Variants in IQSEC1 observed in about 807,000 individuals in gnomAD.
The protein encoded by IQSEC1 is IQ motif and SEC7 domain-containing protein 1.
Under a neutral mutation model 91.0 loss-of-function variants are expected in IQSEC1, and 31 were observed. The observed-to-expected ratio is 0.34, with a 90% CI of 0.26 to 0.46. The LOEUF (loss-of-function observed/expected upper bound fraction) is 0.46. Among genes scored for constraint, IQSEC1 ranks in the 20% least tolerant of loss-of-function variants. The pLI is 1.00. For missense variants in IQSEC1, 1,388 were observed against 1,575.6 expected (o/e 0.88, Z 2.02); for synonymous variants, 699 against 662.6 (o/e 1.05, Z -0.84).
In IQSEC1 at chr3:12,922,357, G is replaced by C. The variant is rs533154211; in HGVS notation, c.1731-115C>G. The stretch of plus-strand genomic sequence containing the variant: ...GGAATGGACCGCCTCCTGGCAGGGA[G>C]AGCCCCTGCCTGACTCCGACCAATC... On this transcript the variant is annotated intron_variant, in intron 4 of 13. Transcript: ENST00000613206. This position sits in a 1 kb window ranked among gnomAD's most constrained non-coding sequence, Gnocchi z 5.1. 1,681 of 1,295,962 alleles carry C rather than the reference G, an allele frequency of 1.3e-3. 3 individuals carry two copies. The highest frequency in any genetic ancestry group is 1.7e-3 in the South Asian group (101 of 59,578). 80.3% of individuals were successfully genotyped at this position (1,295,962 alleles called of 1,614,324 possible). A position where few individuals can be genotyped will look rare whatever the true frequency, so the allele number is the denominator to read the frequency against.
chr3:12,929,235 C>T (rs1380518437), intron 3 of IQSEC1, among the ~76,000 whole-genome samples: 2 of 152,162 alleles, frequency 1.3e-5, no homozygotes, highest in African/African-American at 2.4e-5. Flanking sequence ...TCCATGAGTT[C>T]GTACTCATAA....
At chr3:13,127,322 G>A (rs1706531404) in intron 2 of IQSEC1, among the ~76,000 whole-genome samples, 1 of 152,108 alleles carries the variant, frequency 6.6e-6, no homozygotes, top group Admixed American at 6.5e-5. Flanking sequence ...GCTGAGGCAG[G>A]AGAATCGCTT....
chr3:12,985,456 G>A (rs2125604248), intron 1 of IQSEC1, among the ~76,000 whole-genome samples: 1 of 151,826 alleles, frequency 6.6e-6, no homozygotes, highest in South Asian at 2.1e-4. Flanking sequence ...GGCCTTCACT[G>A]GGCACAGAGA....
intron 1 of IQSEC1, among the ~76,000 whole-genome samples, chr3:13,262,211 T>C (rs1017774353): frequency 6.6e-6 from 1 of 152,240 alleles, no homozygotes; most frequent in Non-Finnish European, 1.5e-5. Flanking sequence ...ACTGACCACA[T>C]ACTATGCACC....
chr3:12,901,396 C>T lies in IQSEC1; in HGVS notation c.2932G>A (p.Gly978Arg). ...LLGSLFGSKR[G>R]KPPPQAHLPS... ...AGGTGGGCCTGGGGAGGGGGCTTCCCTCTCTTGCTCCCGAATAAGGAGCCC... is the reference window on the plus strand; with the variant it reads ...AGGTGGGCCTGGGGAGGGGGCTTCCTTCTCTTGCTCCCGAATAAGGAGCCC... Residue 978 changes from glycine (G) to arginine (R), a missense_variant, in exon 14 of 14, where the codon GGG (glycine) becomes AGG (arginine). Coordinates refer to ENST00000613206, the MANE Select transcript of IQSEC1 (RefSeq NM_001134382.3). 6.5e-7 allele frequency: 1 copy of T among 1,544,430 alleles called. No homozygotes were observed. The highest frequency in any genetic ancestry group is 8.7e-7 in the Non-Finnish European group (1 of 1,145,972).
At position 13,212,000 on chromosome 3, in the gene IQSEC1, G is replaced by T. The variant is rs1483297827; in HGVS notation, c.273-47867C>A. On this transcript the variant is annotated intron_variant, in intron 1 of 15. Transcript: ENST00000648114. The surrounding 1 kb of genome is among the most constrained non-coding windows in gnomAD (Gnocchi z 5.3). ...CCAGCCTCTGTGAGAGGCCCTAGCGGTGGCTCAGCAGCTCTGGAGTCAGGC... is the reference window on the plus strand; with the variant it reads ...CCAGCCTCTGTGAGAGGCCCTAGCGTTGGCTCAGCAGCTCTGGAGTCAGGC... 6.6e-6 allele frequency among the ~76,000 whole-genome samples: 1 copy of T among 152,222 alleles called. No individual in the cohort carries two copies. The highest frequency in any genetic ancestry group is 1.5e-5 in the Non-Finnish European group (1 of 68,038).
intron 1 of IQSEC1, among the ~76,000 whole-genome samples, chr3:13,067,676 C>A (rs1705281833): frequency 6.6e-6 from 1 of 152,238 alleles, no homozygotes; most frequent in Non-Finnish European, 1.5e-5. Flanking sequence ...CCACTGGCCC[C>A]ACCCACAAGG....
chr3:13,101,978 A>G (rs989058888), intron 2 of IQSEC1, among the ~76,000 whole-genome samples: 1 of 151,994 alleles, frequency 6.6e-6, no homozygotes, highest in Non-Finnish European at 1.5e-5. Flanking sequence ...CCAGGGGCCC[A>G]CTCATGAGCC....
chr3:13,151,011 G>T (rs962144665), intron 2 of IQSEC1, among the ~76,000 whole-genome samples: 1 of 152,232 alleles, frequency 6.6e-6, no homozygotes, highest in Non-Finnish European at 1.5e-5. Context: ...TCCTGGGCCA[G>T]GATGGAGCTG....
intron 1 of IQSEC1, among the ~76,000 whole-genome samples, chr3:13,266,159 C>A (rs1695486760): frequency 6.6e-6 from 1 of 152,178 alleles, no homozygotes; most frequent in Admixed American, 6.5e-5. Context: ...GGAAACACTC[C>A]CCCGGAGCTC....
At chr3:13,122,296 G>A (rs528484510) in intron 2 of IQSEC1, among the ~76,000 whole-genome samples, 22 of 152,390 alleles carry the variant, frequency 1.4e-4, no homozygotes, top group African/African-American at 4.6e-4. Flanking sequence ...CCGGGACAGG[G>A]AGCGAGTCCA....
intron 2 of IQSEC1, among the ~76,000 whole-genome samples, chr3:13,138,988 C>G (rs1484533248): frequency 6.6e-6 from 1 of 152,080 alleles, no homozygotes; most frequent in Admixed American, 6.5e-5. Context: ...GCTCTGCCCC[C>G]ACAGTTCCGG....
rs1163781688 is a variant in IQSEC1, at chr3:13,146,280, T to C, written c.302+17824A>G. Among the ~76,000 whole-genome samples, 7 of 152,186 alleles carry C rather than the reference T, an allele frequency of 4.6e-5. No individual in the cohort carries two copies. In the East Asian group the frequency reaches 1.4e-3, roughly 29 times the overall value. The stretch of plus-strand genomic sequence containing the variant: ...GGGATTACAGGTGTGAGCCACCGCG[T>C]CTGGCCAGTCCCTGCTCTTTAGAGA... On this transcript the variant is annotated intron_variant, in intron 2 of 15. Coordinates refer to the IQSEC1 transcript ENST00000648114.
chr3:13,027,189 A>G (rs1313484614), intron 1 of IQSEC1, among the ~76,000 whole-genome samples: 1 of 152,176 alleles, frequency 6.6e-6, no homozygotes, highest in African/African-American at 2.4e-5. Flanking sequence ...ATGAAAGTCC[A>G]GGGTGCTGAG....
At chr3:13,070,636 C>A (rs554844247) in intron 1 of IQSEC1, among the ~76,000 whole-genome samples, 2 of 152,304 alleles carry the variant, frequency 1.3e-5, no homozygotes, top group East Asian at 3.9e-4. Context: ...GTTACAAGAT[C>A]CTTGCGTACA....
At chr3:12,915,987 T>C (rs1176070083) in intron 6 of IQSEC1, among the ~76,000 whole-genome samples, 2 of 152,346 alleles carry the variant, frequency 1.3e-5, no homozygotes, top group South Asian at 4.1e-4. Context: ...TAAGCCATTT[T>C]CAGAGGGCTT....
chr3:12,974,952 G>A (rs1162146094), intron 1 of IQSEC1, among the ~76,000 whole-genome samples: 1 of 152,250 alleles, frequency 6.6e-6, no homozygotes, highest in Non-Finnish European at 1.5e-5. Flanking sequence ...GCCCCAGATA[G>A]AAGAGGCAGG....
chr3:13,110,947 C>G (rs1706235373), intron 2 of IQSEC1, among the ~76,000 whole-genome samples: 4 of 152,164 alleles, frequency 2.6e-5, no homozygotes, highest in Admixed American at 1.3e-4. Flanking sequence ...AATTACCGCA[C>G]CAGCTGTCAC....
rs771494706 is a variant in IQSEC1 at position 12,936,454 on chromosome 3, C to T, written c.562G>A (p.Asp188Asn). 1.1e-5 allele frequency: 17 copies of T among 1,608,246 alleles called. No individual in the cohort carries two copies. The highest frequency in any genetic ancestry group is 6.7e-5 in the East Asian group (3 of 44,738). The part of the protein sequence containing the change: ...FEGKQVSVTN[D>N]GSQLGALVSP... ...ACCAGGGCTCCCAGCTGGGAGCCGTCGTTAGTCACTGAGACCTGCTTCCCC... is the reference window on the plus strand; with the variant it reads ...ACCAGGGCTCCCAGCTGGGAGCCGTTGTTAGTCACTGAGACCTGCTTCCCC... The change falls in exon 3 of 14, where the codon GAC becomes AAC. Residue 188 changes from aspartate (D) to asparagine (N), a missense_variant. This residue lies in a region of IQSEC1 where 1,059 missense variants were observed against 1,317.8 expected (regional missense o/e 0.80). Coordinates refer to ENST00000613206, the MANE Select transcript of IQSEC1 (RefSeq NM_001134382.3).
Sources: gnomAD v4.1 joint callset for allele counts (sites outside exome capture counted in the v4.1 genomes callset) on GRCh38, gnomAD v4.1.1 for gene constraint, gnomAD v4.1.1 regional missense constraint, Gnocchi (gnomAD v3.1) non-coding constraint, MANE v1.5 for transcripts, NCBI Gene and HGNC (gene_info 2026-07-23, HGNC 2026-07-21) for gene names.